GIT2: variants seen among roughly 807,000 people sequenced by gnomAD.
GIT2 encodes ARF GTPase-activating protein GIT2.
In GIT2, 32 loss-of-function variants were observed where a neutral mutation model predicts 100.3. That is an observed-to-expected ratio of 0.32 (90% confidence interval 0.24 to 0.43). GIT2 has a LOEUF of 0.43. Ranked by LOEUF, GIT2 falls within the 20% of genes least tolerant of loss-of-function variation. The pLI, the probability that GIT2 is intolerant of heterozygous loss-of-function variation, is 1.00. For synonymous variants in GIT2, 353 were observed against 364.1 expected, an observed-to-expected ratio of 0.97 and a Z score of 0.35; for missense variants, 737 against 975.1, an observed-to-expected ratio of 0.76 and a Z score of 3.25.
At chr12:109,939,678 AAATAAAATAAATAAAT>A (rs1198591506) in intron 16 of GIT2, 3 of 134,354 alleles carry the variant, frequency 2.2e-5, no homozygotes, top group African/African-American at 8.5e-5. Context: ...TTTAAAAAAT[AAATAAAATAAATAAAT>A]AAATAAATAA....
chr12:109,934,054 C>T lies in GIT2; in HGVS notation c.2035G>A (p.Ala679Thr). The change falls in exon 19 of 20, where the codon GCT (alanine) becomes ACT (threonine). Residue 679 changes from alanine (A) to threonine (T), a missense_variant. Transcript: ENST00000355312. This position sits in a 1 kb window ranked among gnomAD's most constrained non-coding sequence, Gnocchi z 4.5. Reference protein sequence around the residue: ...YIPCSERIHVAVTEMAALFPK... With the variant: ...YIPCSERIHVTVTEMAALFPK... The stretch of plus-strand genomic sequence containing the variant: ...AATAATGCTGCCATTTCTGTAACAG[C>T]TACGTGTATCCTCTCTGAGCAGGGA... 6.3e-7 allele frequency: 1 copy of T among 1,575,790 alleles called. No individual in the cohort carries two copies. The highest frequency in any genetic ancestry group is 8.7e-7 in the Non-Finnish European group (1 of 1,145,206).
chr12:109,978,075 GGTTTTTTTT>G (rs1441312553), intron 7 of GIT2, among the ~76,000 whole-genome samples: 1 of 141,418 alleles, frequency 7.1e-6, no homozygotes, highest in African/African-American at 2.8e-5. Context: ...CAAATTTAGA[GGTTTTTTTT>G]TTTTTTTTTT....
At chr12:109,956,867 A>T (rs1222027049) in intron 12 of GIT2, among the ~76,000 whole-genome samples, 1 of 151,850 alleles carries the variant, frequency 6.6e-6, no homozygotes, top group Non-Finnish European at 1.5e-5. Context: ...AAAATACAAA[A>T]ATTAGCTGGG....
chr12:109,972,309 A>G (rs1316868928), intron 7 of GIT2, among the ~76,000 whole-genome samples: 1 of 152,188 alleles, frequency 6.6e-6, no homozygotes, highest in Non-Finnish European at 1.5e-5. Flanking sequence ...TTAAATAGAT[A>G]CTGTTTATCA....
chr12:109,939,027 C>T, intron 17 of GIT2, 138 bp downstream of exon 17: 1 of 653,316 alleles, frequency 1.5e-6, no homozygotes, highest in Non-Finnish European at 2.8e-6. Flanking sequence ...CGAGCGTATG[C>T]TTGAATACTT....
chr12:109,953,307 T>G, intron 12 of GIT2, 73 bp from the exon 13 acceptor site: 1 of 1,519,234 alleles, frequency 6.6e-7, no homozygotes, highest in Non-Finnish European at 9.1e-7. Flanking sequence ...ACGGAGAGGA[T>G]TTTTTGGTTT....
intron 12 of GIT2, among the ~76,000 whole-genome samples, chr12:109,957,935 T>C (rs1234896847): frequency 6.6e-6 from 1 of 152,056 alleles, no homozygotes; most frequent in Non-Finnish European, 1.5e-5. Flanking sequence ...AAGACTTTGT[T>C]TTTTAAGTTA....
At chr12:109,943,265 A>G (rs1310395300) in intron 16 of GIT2, among the ~76,000 whole-genome samples, 2 of 152,236 alleles carry the variant, frequency 1.3e-5, no homozygotes, top group African/African-American at 4.8e-5. Context: ...ATCACTGTCT[A>G]ACTGTCCTTT....
chr12:109,999,717 A>G, upstream of GIT2: 1 of 1,539,764 alleles, frequency 6.5e-7, no homozygotes, highest in South Asian at 1.2e-5. This position sits in a 1 kb window ranked among gnomAD's most constrained non-coding sequence, Gnocchi z 4.3. Context: ...GCGGGCGACC[A>G]CTACCCCCTG....
At chr12:109,945,815 T>C (rs1360296632) in intron 15 of GIT2, among the ~76,000 whole-genome samples, 3 of 152,128 alleles carry the variant, frequency 2.0e-5, no homozygotes, top group African/African-American at 7.2e-5. Context: ...TTTCCTAAAT[T>C]TTGTCTTCAG....
chr12:109,996,567 C>T (rs1889471322), upstream of GIT2, among the ~76,000 whole-genome samples: 1 of 152,200 alleles, frequency 6.6e-6, no homozygotes. Flanking sequence ...GGGGAAGTAG[C>T]AATATCTTGT....
chr12:109,957,750 C>T (rs1371554388), intron 12 of GIT2, among the ~76,000 whole-genome samples: 3 of 152,008 alleles, frequency 2.0e-5, no homozygotes, highest in African/African-American at 7.3e-5. Context: ...TCGTGATCCG[C>T]CTGCCTTGGC....
chr12:109,978,361 G>A (rs998794742), intron 7 of GIT2, among the ~76,000 whole-genome samples: 15 of 152,236 alleles, frequency 9.9e-5, no homozygotes, highest in Admixed American at 3.9e-4. Context: ...GGGATTACAG[G>A]TGTGAGCCAT....
intron 4 of GIT2, among the ~76,000 whole-genome samples, chr12:109,986,530 C>T (rs754438065): frequency 6.6e-6 from 1 of 151,778 alleles, no homozygotes; most frequent in Admixed American, 6.6e-5. Context: ...TTTGGGAGGC[C>T]GAGGTGGGCG....
chr12:109,989,990 C>T (rs1404652185), intron 2 of GIT2, among the ~76,000 whole-genome samples, 188 bp from the exon 3 acceptor site: 1 of 152,134 alleles, frequency 6.6e-6, no homozygotes, highest in Non-Finnish European at 1.5e-5. Flanking sequence ...TCAGCTTTGA[C>T]TAGTAGGATA....
Position 109,983,656 on chromosome 12 carries a change from G to A in GIT2, c.444C>T (p.Thr148=). The A allele has an allele frequency of 6.2e-7, 1 of 1,613,350 alleles. No homozygotes were observed. The highest frequency in any genetic ancestry group is 8.5e-7 in the Non-Finnish European group (1 of 1,179,432). Residue 148 remains threonine (T), a synonymous_variant, in exon 5 of 20, where the codon ACC becomes ACT. Transcript: ENST00000355312. ...CTCCTAAAGATAACAGTCTCAAACAGGTTTCAAGATTCCCTGTTCTCACGC... is the reference window on the plus strand; with the variant it reads ...CTCCTAAAGATAACAGTCTCAAACAAGTTTCAAGATTCCCTGTTCTCACGC... The part of the protein sequence containing the change: ...HSSVRTGNLE[T]CLRLLSLGAQ...
rs757503016 is a variant in GIT2, at chr12:109,934,130, T to A, written c.2004-45A>T. 1 of 1,072,756 alleles carries A rather than the reference T, an allele frequency of 9.3e-7. No individual in the cohort carries two copies. The highest frequency in any genetic ancestry group is 1.5e-5 in the African/African-American group (1 of 64,532). 66.5% of individuals were successfully genotyped at this position (1,072,756 alleles called of 1,614,324 possible). Reference sequence around the variant, plus strand: ...GTTATTCAATGACAGTAAAAATGATTCGGAGGCAAAGAGGACTCAAGTGCT... The same window carrying A: ...GTTATTCAATGACAGTAAAAATGATACGGAGGCAAAGAGGACTCAAGTGCT... On this transcript the variant is annotated intron_variant, in intron 18 of 19. Coordinates refer to ENST00000355312, the MANE Select transcript of GIT2 (RefSeq NM_057169.5). This position sits in a 1 kb window ranked among gnomAD's most constrained non-coding sequence, Gnocchi z 4.5.
At chr12:109,950,716 T>C (rs1280112474) in intron 14 of GIT2, 1 of 157,030 alleles carries the variant, frequency 6.4e-6, no homozygotes, top group Admixed American at 6.2e-5. Context: ...TACAAGTTAG[T>C]AGTAAAAACT....
chr12:109,981,117 G>T, intron 6 of GIT2, 71 bp from the exon 7 acceptor site: 2 of 983,972 alleles, frequency 2.0e-6, no homozygotes, highest in Non-Finnish European at 1.7e-6. Context: ...GTACAAAGAC[G>T]TCTCCTGAGA....
Sources: allele counts gnomAD v4.1 joint callset (sites outside exome capture counted in the v4.1 genomes callset), GRCh38; gene constraint gnomAD v4.1.1; non-coding constraint Gnocchi (gnomAD v3.1); transcripts MANE v1.5; gene names NCBI Gene and HGNC (gene_info 2026-07-23, HGNC 2026-07-21).